Variants in TGFB2 observed in about 807,000 individuals in gnomAD.
TGFB2 encodes transforming growth factor beta 2, also known as transforming growth factor beta-2 proprotein.
A neutral mutation model predicts 42.7 loss-of-function variants in TGFB2; 13 were observed. The ratio of observed to expected loss-of-function variants is 0.30; its 90% CI spans 0.20 to 0.48. The LOEUF (loss-of-function observed/expected upper bound fraction) is 0.48. Among genes scored for constraint, TGFB2 ranks in the 20% least tolerant of loss-of-function variants. TGFB2 has a pLI of 0.99. For missense variants in TGFB2, 390 were observed against 517.5 expected (o/e 0.75, Z 2.39); for synonymous variants, 193 against 193.6 (o/e 1.00, Z 0.03).
intron 2 of TGFB2, among the ~76,000 whole-genome samples, chr1:218,416,535 A>G (rs1304506808): frequency 1.3e-5 from 2 of 152,336 alleles, no homozygotes; most frequent in African/African-American, 2.4e-5. Context: ...CCAAAGTTCT[A>G]TGGAAGAGGA....
chr1:218,425,365 G>A (rs11466403), intron 2 of TGFB2, among the ~76,000 whole-genome samples: 237 of 151,968 alleles, frequency 1.6e-3, no homozygotes, highest in African/African-American at 5.3e-3. Flanking sequence ...CAGCCACCAC[G>A]CCCGGCTAAT....
At chr1:218,440,260 ATTATTTC>A (rs1323480960) in intron 6 of TGFB2, among the ~76,000 whole-genome samples, 1 of 152,090 alleles carries the variant, frequency 6.6e-6, no homozygotes, top group African/African-American at 2.4e-5. Flanking sequence ...AAAGTGAATA[ATTATTTC>A]TTATAGGAGA....
At chr1:218,418,351 G>A (rs1659346816) in intron 2 of TGFB2, among the ~76,000 whole-genome samples, 1 of 152,200 alleles carries the variant, frequency 6.6e-6, no homozygotes, top group African/African-American at 2.4e-5. Flanking sequence ...CTTTCATGGG[G>A]CCTACAGCCC....
At chr1:218,394,230 A>G (rs991306643) in intron 1 of TGFB2, among the ~76,000 whole-genome samples, 1 of 152,014 alleles carries the variant, frequency 6.6e-6, no homozygotes, top group Non-Finnish European at 1.5e-5. Context: ...CTTAACATCA[A>G]CAGTTGGCCT....
In TGFB2 at chr1:218,356,000, T is replaced by A. The variant is rs115405604; in HGVS notation, c.346+8953T>A. Among the ~76,000 whole-genome samples, 405 of 152,240 alleles carry A rather than the reference T, an allele frequency of 2.7e-3. 4 individuals are homozygous for A. Among genetic ancestry groups the A allele is most frequent in the African/African-American group, 9.4e-3 (391 of 41,542 alleles). On this transcript the variant is annotated intron_variant, in intron 1 of 6. Coordinates refer to ENST00000366930, the MANE Select transcript of TGFB2 (RefSeq NM_003238.6). ...ATGGTATAGAGTGCTATAGCAGAAG[T>A]ACATGGAAAATGAAATTAAGTGGAG...
intron 1 of TGFB2, among the ~76,000 whole-genome samples, chr1:218,378,481 T>C (rs1657830111): frequency 6.6e-6 from 1 of 151,766 alleles, no homozygotes; most frequent in South Asian, 2.1e-4. Flanking sequence ...CCGGCCATTT[T>C]TTGGGTATTT....
chr1:218,356,519 G>A (rs535447907), intron 1 of TGFB2, among the ~76,000 whole-genome samples: 9 of 152,160 alleles, frequency 5.9e-5, no homozygotes, highest in South Asian at 2.1e-4. Flanking sequence ...GCACCCAGCC[G>A]GGAAAAATTA....
intron 6 of TGFB2, among the ~76,000 whole-genome samples, chr1:218,439,621 G>A (rs540613529): frequency 4.6e-5 from 7 of 152,280 alleles, no homozygotes; most frequent in South Asian, 2.1e-4. Context: ...GCACTCGGGG[G>A]CGACCGTGTG....
intron 1 of TGFB2, among the ~76,000 whole-genome samples, chr1:218,377,638 C>T (rs945644759): frequency 6.6e-6 from 1 of 152,068 alleles, no homozygotes; most frequent in Non-Finnish European, 1.5e-5. Context: ...AGAAATCCTA[C>T]TCTTCTGCTG....
chr1:218,380,222 G>A (rs183259595), intron 1 of TGFB2, among the ~76,000 whole-genome samples: 14 of 152,292 alleles, frequency 9.2e-5, no homozygotes, highest in Admixed American at 5.9e-4. Context: ...CCCTAAAGCA[G>A]CAGTACAGTG....
chr1:218,387,930 C>T (rs1658190539), intron 1 of TGFB2, among the ~76,000 whole-genome samples: 1 of 152,112 alleles, frequency 6.6e-6, no homozygotes, highest in Admixed American at 6.5e-5. Context: ...AAGTTCATGT[C>T]TTTTTCTATG....
At chr1:218,373,182 A>G (rs749860748) in intron 1 of TGFB2, among the ~76,000 whole-genome samples, 8 of 152,266 alleles carry the variant, frequency 5.3e-5, no homozygotes, top group Middle Eastern at 3.4e-3. Flanking sequence ...CCGTCTCAAA[A>G]AAAAGTTTCC....
At chr1:218,426,441 T>A (rs1008872933) in intron 2 of TGFB2, among the ~76,000 whole-genome samples, 4 of 152,244 alleles carry the variant, frequency 2.6e-5, no homozygotes, top group Non-Finnish European at 5.9e-5. Flanking sequence ...CCCAGTTGGC[T>A]GCTTTCCAAT....
chr1:218,444,090 T>C lies in TGFB2; in HGVS notation c.*2728T>C, dbSNP rs1314251270. 1 of 152,150 alleles carries C rather than the reference T, an allele frequency of 6.6e-6. No individual in the cohort carries two copies. The highest frequency in any genetic ancestry group is 1.9e-4 in the East Asian group (1 of 5,184). 9.4% of individuals were successfully genotyped at this position (152,150 alleles called of 1,614,324 possible). On this transcript the variant is annotated 3_prime_UTR_variant, in exon 7 of 7. Transcript: ENST00000366930. ...CTCAAGCTGGAAAAGTCATACCACC[T>C]TTCCGATTGCCCTCTGTGCTTTCTC...
chr1:218,379,869 C>T (rs1281157283), intron 1 of TGFB2, among the ~76,000 whole-genome samples: 1 of 152,166 alleles, frequency 6.6e-6, no homozygotes, highest in Non-Finnish European at 1.5e-5. Context: ...ACTTAAGGAA[C>T]CAGTTACCCT....
chr1:218,433,346 G>A (rs886704529), intron 2 of TGFB2, among the ~76,000 whole-genome samples: 5 of 152,152 alleles, frequency 3.3e-5, no homozygotes, highest in Non-Finnish European at 5.9e-5. Context: ...GGATTACGGT[G>A]AGCCACCACG....
intron 2 of TGFB2, among the ~76,000 whole-genome samples, chr1:218,407,337 C>T (rs1658946826): frequency 6.6e-6 from 1 of 152,198 alleles, no homozygotes; most frequent in South Asian, 2.1e-4. Flanking sequence ...ACCTCTGCTT[C>T]CCAATGTGCT....
intron 1 of TGFB2, among the ~76,000 whole-genome samples, chr1:218,360,973 G>C (rs1657189719): frequency 6.6e-6 from 1 of 152,160 alleles, no homozygotes; most frequent in Non-Finnish European, 1.5e-5. Flanking sequence ...TTCTACCTTA[G>C]TCTCCTGAGT....
chr1:218,361,622 C>T (rs1477597364), intron 1 of TGFB2, among the ~76,000 whole-genome samples: 1 of 152,206 alleles, frequency 6.6e-6, no homozygotes, highest in East Asian at 1.9e-4. Context: ...AAGTGACTTA[C>T]TCTGCATATT....
Sources: gnomAD v4.1 joint callset for allele counts (sites outside exome capture counted in the v4.1 genomes callset) on GRCh38, gnomAD v4.1.1 for gene constraint, MANE v1.5 for transcripts, NCBI Gene and HGNC (gene_info 2026-07-23, HGNC 2026-07-21) for gene names.